Variants in PARP4 observed in about 807,000 individuals in gnomAD.
PARP4 encodes protein mono-ADP-ribosyltransferase PARP4.
In PARP4, 120 loss-of-function variants were observed where a neutral mutation model predicts 187.7. The ratio of observed to expected loss-of-function variants is 0.64; its 90% CI spans 0.55 to 0.74. The LOEUF is 0.74. PARP4 is among the 30% of genes least tolerant of loss of function. The probability of loss-of-function intolerance (pLI) is 0.00; values close to 1 mark genes in which losing one functional copy is unlikely to be tolerated. For missense variants in PARP4, 1,836 were observed against 2,070.5 expected, an observed-to-expected ratio of 0.89 and a Z score of 2.20; for synonymous variants, 654 against 740.9, an observed-to-expected ratio of 0.88 and a Z score of 1.90.
At chr13:24,422,667 G>C (rs1252116508) in intron 33 of PARP4, among the ~76,000 whole-genome samples, 1 of 152,094 alleles carries the variant, frequency 6.6e-6, no homozygotes, top group African/African-American at 2.4e-5. Context: ...GGAGTGCAGG[G>C]ACACGATCTC....
At chr13:24,456,243 T>C (rs1565999516) in intron 21 of PARP4, 98 bp downstream of exon 21, 16 of 917,250 alleles carry the variant, frequency 1.7e-5, no homozygotes, top group East Asian at 1.3e-4. Context: ...TTTGTAATGC[T>C]AGTTTTTCAG....
Position 24,459,329 on chromosome 13 carries a change from A to C in PARP4, c.2299-19T>G, listed in dbSNP as rs763594069. On this transcript the variant is annotated intron_variant, in intron 18 of 33. Transcript: ENST00000381989. ...CTGTATCCTGTTAAAAGAAAAATACATTTGTATAACTAAGCATATATTAAG... is the reference window on the plus strand; with the variant it reads ...CTGTATCCTGTTAAAAGAAAAATACCTTTGTATAACTAAGCATATATTAAG... 2.2e-5 allele frequency: 34 copies of C among 1,525,894 alleles called. No individual in the cohort carries two copies. The highest frequency in any genetic ancestry group is 3.0e-5 in the Non-Finnish European group (34 of 1,122,264). The allele number at this position is 1,525,894 out of a possible 1,614,324, so 94.5% of individuals were successfully genotyped here.
At chr13:24,498,040 G>A in intron 6 of PARP4, 76 bp downstream of exon 6, 2 of 974,688 alleles carry the variant, frequency 2.1e-6, no homozygotes, top group Non-Finnish European at 3.2e-6. Context: ...AAAAGGTTGG[G>A]AGGTCGGCTG....
chr13:24,433,020 T>C (rs1249887244), intron 31 of PARP4, among the ~76,000 whole-genome samples: 5 of 152,318 alleles, frequency 3.3e-5, no homozygotes, highest in East Asian at 1.9e-4. Flanking sequence ...TTCTTTGATA[T>C]GTTTAGCCAC....
Position 24,486,290 on chromosome 13 carries a change from A to G in PARP4, c.1230T>C (p.Asp410=). The G allele has an allele frequency of 2.5e-6, 4 of 1,595,842 alleles. No homozygotes were observed. The highest frequency in any genetic ancestry group is 3.4e-6 in the Non-Finnish European group (4 of 1,163,816). The change falls in exon 11 of 34, where the codon GAT becomes GAC. Residue 410 remains aspartate (D), a synonymous_variant. Coordinates refer to ENST00000381989, the MANE Select transcript of PARP4 (RefSeq NM_006437.4). ...TGCCAACTCTAAATATCTGCAAGAC[A>G]TCCACTGGGCTCTTACTGTAAGAAT... ...LQNHHSKSPV[D]VLQIFRVGRV...
intron 10 of PARP4, among the ~76,000 whole-genome samples, chr13:24,489,971 TCAC>T (rs1868541865): frequency 2.0e-5 from 3 of 152,142 alleles, no homozygotes; most frequent in Admixed American, 2.0e-4. Flanking sequence ...CGGCTACAAC[TCAC>T]CACCATTTGT....
chr13:24,493,865 G>C (rs1464656491), intron 7 of PARP4, 132 bp from the exon 8 acceptor site: 1 of 805,358 alleles, frequency 1.2e-6, no homozygotes, highest in African/African-American at 1.8e-5. Flanking sequence ...CCCCAGCCAG[G>C]TAACTAAATC....
At chr13:24,464,125 C>T (rs940216174) in intron 17 of PARP4, among the ~76,000 whole-genome samples, 3 of 152,074 alleles carry the variant, frequency 2.0e-5, no homozygotes, top group Non-Finnish European at 2.9e-5. Context: ...GAACTATAAA[C>T]CACTGCTCAA....
intron 1 of PARP4, among the ~76,000 whole-genome samples, chr13:24,511,665 G>A (rs893279382): frequency 1.3e-5 from 2 of 152,188 alleles, no homozygotes; most frequent in African/African-American, 4.8e-5. Context: ...TCCCTTTCTG[G>A]GCAGTCTTGA....
At chr13:24,484,199 C>T (rs1336722438) in intron 12 of PARP4, among the ~76,000 whole-genome samples, 1 of 152,090 alleles carries the variant, frequency 6.6e-6, no homozygotes, top group Admixed American at 6.5e-5. Flanking sequence ...GTTCTTCTCA[C>T]TGTGTTGCCC....
intron 1 of PARP4, among the ~76,000 whole-genome samples, chr13:24,512,275 G>C (rs780114434): frequency 1.3e-5 from 2 of 152,332 alleles, no homozygotes; most frequent in East Asian, 3.9e-4. Context: ...AATGACTCAC[G>C]AGGTCAGATA....
At chr13:24,511,178 G>A (rs939830954) in intron 1 of PARP4, among the ~76,000 whole-genome samples, 3 of 152,122 alleles carry the variant, frequency 2.0e-5, no homozygotes, top group East Asian at 1.9e-4. Context: ...TTTGGGTTTC[G>A]TGAAATCTCA....
chr13:24,503,126 G>A (rs1393230826), intron 2 of PARP4, among the ~76,000 whole-genome samples: 3 of 152,230 alleles, frequency 2.0e-5, no homozygotes, highest in Non-Finnish European at 2.9e-5. Context: ...TGAACTGCCA[G>A]GCTTACAAGT....
intron 22 of PARP4, 128 bp from the exon 23 acceptor site, chr13:24,453,782 T>C (rs910770178): frequency 3.3e-6 from 2 of 614,740 alleles, no homozygotes; most frequent in Non-Finnish European, 5.8e-6. Flanking sequence ...GTGTGTACCT[T>C]TCTTTTTAGA....
At chr13:24,489,343 C>T (rs1193754789) in intron 10 of PARP4, among the ~76,000 whole-genome samples, 1 of 152,196 alleles carries the variant, frequency 6.6e-6, no homozygotes, top group South Asian at 2.1e-4. Flanking sequence ...GGCGTGGTGG[C>T]TCATGCCTGT....
At position 24,477,733 on chromosome 13, in the gene PARP4, C is replaced by G. The variant is rs375839348; in HGVS notation, c.1757G>C (p.Arg586Thr). The G allele has an allele frequency of 1.2e-5, 19 of 1,590,024 alleles. No homozygotes were observed. Among genetic ancestry groups the G allele is most frequent in the Non-Finnish European group, 1.6e-5 (19 of 1,167,730 alleles). ...PSDHTELEEY[R>T]PEFSNFSKVE... ...CTTTGAAAAATTTGAAAACTCAGGT[C>G]TGTATTCCTCTAATTCAGTATGATC... Residue 586 changes from arginine (R) to threonine (T), a missense_variant, in exon 14 of 34, where the codon AGA (arginine) becomes ACA (threonine). Coordinates refer to ENST00000381989, the MANE Select transcript of PARP4 (RefSeq NM_006437.4).
At chr13:24,441,824 T>C (rs748894860) in intron 30 of PARP4, 22 bp downstream of exon 30, 22 of 1,562,826 alleles carry the variant, frequency 1.4e-5, no homozygotes, top group Middle Eastern at 1.7e-4. Context: ...CAATATCAAC[T>C]TATTCGGTAA....
At chr13:24,433,236 C>A (rs1189344100) in intron 31 of PARP4, among the ~76,000 whole-genome samples, 1 of 152,164 alleles carries the variant, frequency 6.6e-6, no homozygotes, top group Non-Finnish European at 1.5e-5. Flanking sequence ...GTACTTAATG[C>A]AACGTGTCCT....
At chr13:24,446,464 T>C (rs1871213187) in intron 27 of PARP4, among the ~76,000 whole-genome samples, 1 of 152,126 alleles carries the variant, frequency 6.6e-6, no homozygotes, top group Non-Finnish European at 1.5e-5. Context: ...GTGTGACACA[T>C]AAAATACACT....
Sources: allele counts gnomAD v4.1 joint callset (sites outside exome capture counted in the v4.1 genomes callset), GRCh38; gene constraint gnomAD v4.1.1; transcripts MANE v1.5; gene names NCBI Gene and HGNC (gene_info 2026-07-23, HGNC 2026-07-21).